CDK6: variants seen among roughly 807,000 people sequenced by gnomAD.
The protein encoded by CDK6 is cyclin dependent kinase 6, also known as cyclin-dependent kinase 6.
In CDK6, 6 loss-of-function variants were observed where a neutral mutation model predicts 37.1. The ratio of observed to expected loss-of-function variants is 0.16; its 90% confidence interval spans 0.09 to 0.32. CDK6 has a LOEUF of 0.32. CDK6 is among the 10% of genes least tolerant of loss of function. The pLI is 1.00. For missense variants in CDK6, 224 were observed against 418.9 expected (o/e 0.53, Z 4.06); for synonymous variants, 160 against 161.3 (o/e 0.99, Z 0.06).
At chr7:92,617,959 C>CA (rs1244289562) in intron 7 of CDK6, 113 bp downstream of exon 7, 61 of 984,816 alleles carry the variant, frequency 6.2e-5, no homozygotes, top group Admixed American at 2.5e-4. Flanking sequence ...GTGGCTGTGG[C>CA]ATGTGATGCC....
At chr7:92,649,328 A>G (rs1020638982) in intron 5 of CDK6, among the ~76,000 whole-genome samples, 1 of 152,188 alleles carries the variant, frequency 6.6e-6, no homozygotes, top group Non-Finnish European at 1.5e-5. Flanking sequence ...TAATGCCAAC[A>G]TTATCTATAA....
chr7:92,807,715 A>G (rs181522626), intron 2 of CDK6, among the ~76,000 whole-genome samples: 1 of 152,288 alleles, frequency 6.6e-6, no homozygotes, highest in East Asian at 1.9e-4. Flanking sequence ...CTAACCAAGC[A>G]TAATTCAGCA....
intron 2 of CDK6, among the ~76,000 whole-genome samples, chr7:92,808,244 T>C (rs1349935116): frequency 1.3e-5 from 2 of 152,240 alleles, no homozygotes; most frequent in Non-Finnish European, 2.9e-5. Context: ...TGCCAGTTAC[T>C]GTGTTGCTGC....
chr7:92,831,130 A>T (rs949852113), intron 2 of CDK6, among the ~76,000 whole-genome samples: 5 of 152,240 alleles, frequency 3.3e-5, no homozygotes, highest in African/African-American at 1.2e-4. Context: ...TCTTCAGTTC[A>T]TAAGAATATC....
intron 3 of CDK6, among the ~76,000 whole-genome samples, chr7:92,755,922 C>A (rs1799307026): frequency 6.6e-6 from 1 of 152,080 alleles, no homozygotes; most frequent in South Asian, 2.1e-4. Flanking sequence ...CTCTTTCTTG[C>A]ACATACAAGT....
At chr7:92,727,663 T>C (rs1431823312) in intron 3 of CDK6, among the ~76,000 whole-genome samples, 1 of 152,090 alleles carries the variant, frequency 6.6e-6, no homozygotes, top group African/African-American at 2.4e-5. Context: ...ACAAAGCACT[T>C]AGAGGGGGTA....
intron 4 of CDK6, among the ~76,000 whole-genome samples, chr7:92,720,157 C>G (rs1252812755): frequency 6.6e-6 from 1 of 152,176 alleles, no homozygotes; most frequent in African/African-American, 2.4e-5. Context: ...CAAAATGTGG[C>G]ATGAGCTAGT....
At chr7:92,802,025 C>T (rs1680212313) in intron 2 of CDK6, among the ~76,000 whole-genome samples, 1 of 140,640 alleles carries the variant, frequency 7.1e-6, no homozygotes. Context: ...CCTTCCTTTC[C>T]TCACTTTCTT....
intron 5 of CDK6, among the ~76,000 whole-genome samples, chr7:92,665,131 C>T (rs1796927253): frequency 6.6e-6 from 1 of 152,080 alleles, no homozygotes; most frequent in African/African-American, 2.4e-5. Context: ...TTTGCTGTAA[C>T]CTGGAAAACC....
chr7:92,677,251 T>C (rs947127885), intron 4 of CDK6, among the ~76,000 whole-genome samples: 1 of 152,212 alleles, frequency 6.6e-6, no homozygotes, highest in African/African-American at 2.4e-5. Context: ...GTATAAATTG[T>C]TCAAGACTTA....
chr7:92,685,578 G>T (rs1797431949), intron 4 of CDK6, among the ~76,000 whole-genome samples: 1 of 152,144 alleles, frequency 6.6e-6, no homozygotes, highest in African/African-American at 2.4e-5. Context: ...AATGGCCTAA[G>T]AAATATTCCA....
At chr7:92,797,673 C>A (rs923898345) in intron 2 of CDK6, among the ~76,000 whole-genome samples, 1 of 152,100 alleles carries the variant, frequency 6.6e-6, no homozygotes, top group African/African-American at 2.4e-5. Context: ...CAACTTTTAA[C>A]CTATAAGAAT....
chr7:92,731,334 G>T (rs558383126), intron 3 of CDK6, among the ~76,000 whole-genome samples: 1 of 152,332 alleles, frequency 6.6e-6, no homozygotes, highest in African/African-American at 2.4e-5. Flanking sequence ...AAACCAAGAG[G>T]AGGGTTCAAG....
intron 5 of CDK6, among the ~76,000 whole-genome samples, chr7:92,656,549 C>T (rs1299039153): frequency 2.0e-5 from 3 of 152,160 alleles, no homozygotes; most frequent in African/African-American, 4.8e-5. Flanking sequence ...AAGTTATTTA[C>T]TATATTTATT....
Position 92,802,604 on chromosome 7 carries a change from G to T in CDK6, c.234-27773C>A, listed in dbSNP as rs1199297410. Reference sequence around the variant, plus strand: ...CTATCACATGTCTTTTAAACTATCCGACTGTTCTGCTTTATGTACACAGCT... The same window carrying T: ...CTATCACATGTCTTTTAAACTATCCTACTGTTCTGCTTTATGTACACAGCT... On this transcript the variant is annotated intron_variant, in intron 2 of 7. Transcript: ENST00000424848. 2.0e-5 allele frequency among the ~76,000 whole-genome samples: 3 copies of T among 152,184 alleles called. 1 individual carries two copies. Among genetic ancestry groups the T allele is most frequent in the Non-Finnish European group, 4.4e-5 (3 of 68,032 alleles).
Position 92,609,412 on chromosome 7 carries a change from T to C in CDK6, c.*5728A>G, listed in dbSNP as rs1795512057. 1 of 230,710 alleles carries C rather than the reference T, an allele frequency of 4.3e-6. No individual in the cohort carries two copies. Among genetic ancestry groups the C allele is most frequent in the South Asian group, 1.8e-4 (1 of 5,494 alleles). The allele number at this position is 230,710 out of a possible 1,614,324, so 14.3% of individuals were successfully genotyped here. ...GTATGTAGACACACTCCTAAGTTGTTATGCTCATATACTTCAGACTTTTTT... is the reference window on the plus strand; with the variant it reads ...GTATGTAGACACACTCCTAAGTTGTCATGCTCATATACTTCAGACTTTTTT... On this transcript the variant is annotated 3_prime_UTR_variant, in exon 8 of 8. Transcript: ENST00000424848.
intron 4 of CDK6, among the ~76,000 whole-genome samples, chr7:92,692,473 C>T (rs963183216): frequency 6.6e-6 from 1 of 151,902 alleles, no homozygotes; most frequent in African/African-American, 2.4e-5. Context: ...TATGAAACTG[C>T]TACCTATGAA....
intron 4 of CDK6, among the ~76,000 whole-genome samples, chr7:92,693,576 TTTTAA>T (rs1562937962): frequency 2.0e-5 from 3 of 152,230 alleles, no homozygotes; most frequent in African/African-American, 7.2e-5. Context: ...CTTTAACATG[TTTTAA>T]TTTTTCATAA....
intron 5 of CDK6, among the ~76,000 whole-genome samples, chr7:92,624,539 T>G (rs1194083531): frequency 6.6e-6 from 1 of 152,114 alleles, no homozygotes. Flanking sequence ...GAAAATAAGC[T>G]TTTGTTGGTT....
Sources: allele counts gnomAD v4.1 joint callset (sites outside exome capture counted in the v4.1 genomes callset), GRCh38; gene constraint gnomAD v4.1.1; transcripts MANE v1.5; gene names NCBI Gene and HGNC (gene_info 2026-07-23, HGNC 2026-07-21).